NELL1: variants seen among roughly 807,000 people sequenced by gnomAD.
NELL1 encodes the protein protein kinase C-binding protein NELL1.
NELL1 carries 76 observed loss-of-function variants against 107.4 expected under a neutral mutation model. The observed-to-expected ratio is 0.71, with a 90% CI of 0.59 to 0.86. The LOEUF (loss-of-function observed/expected upper bound fraction) is 0.86, where lower values mean the gene tolerates loss of function less well. Among genes scored for constraint, NELL1 ranks in the 40% least tolerant of loss-of-function variants. The probability of loss-of-function intolerance (pLI) is 0.00; values close to 1 mark genes in which losing one functional copy is unlikely to be tolerated. For synonymous variants in NELL1, 353 were observed against 341.2 expected, an observed-to-expected ratio of 1.03 and a Z score of -0.38; for missense variants, 1,024 against 1,005.5, an observed-to-expected ratio of 1.02 and a Z score of -0.25.
chr11:21,348,310 C>A (rs1386430595), intron 14 of NELL1, among the ~76,000 whole-genome samples: 1 of 152,068 alleles, frequency 6.6e-6, no homozygotes. Context: ...AATTTGACAT[C>A]CTTTTAGTTA....
At chr11:21,488,264 G>A (rs1025140894) in intron 15 of NELL1, among the ~76,000 whole-genome samples, 4 of 151,958 alleles carry the variant, frequency 2.6e-5, no homozygotes, top group East Asian at 1.9e-4. Flanking sequence ...AGGATAGACC[G>A]TATGTTAGGC....
At chr11:20,907,335 A>G (rs946506714) in intron 5 of NELL1, among the ~76,000 whole-genome samples, 14 of 152,038 alleles carry the variant, frequency 9.2e-5, no homozygotes, top group African/African-American at 3.1e-4. Context: ...TATCTTATAA[A>G]AATTTAATGT....
chr11:20,692,410 C>G (rs1040810303), intron 2 of NELL1, among the ~76,000 whole-genome samples: 7 of 151,746 alleles, frequency 4.6e-5, no homozygotes, highest in Non-Finnish European at 1.0e-4. Context: ...CCTGCTTTCT[C>G]TTGTGGGCAT....
At chr11:21,554,322 T>A (rs540455745) in intron 16 of NELL1, among the ~76,000 whole-genome samples, 2 of 152,042 alleles carry the variant, frequency 1.3e-5, no homozygotes, top group Non-Finnish European at 2.9e-5. Context: ...AAGAAAATTA[T>A]GTTTTTCAAC....
At chr11:20,985,470 T>C (rs554052075) in intron 12 of NELL1, among the ~76,000 whole-genome samples, 1 of 152,298 alleles carries the variant, frequency 6.6e-6, no homozygotes, top group East Asian at 1.9e-4. Flanking sequence ...CTATGACTGC[T>C]GCTCTCAGCT....
chr11:20,691,438 A>G (rs1854463046), intron 2 of NELL1, among the ~76,000 whole-genome samples: 1 of 151,838 alleles, frequency 6.6e-6, no homozygotes. Flanking sequence ...GATAGCTCTT[A>G]TTATTTTGAG....
intron 15 of NELL1, among the ~76,000 whole-genome samples, chr11:21,484,624 A>G (rs1854580548): frequency 6.6e-6 from 1 of 151,978 alleles, no homozygotes; most frequent in Non-Finnish European, 1.5e-5. Context: ...ACATATCCAT[A>G]TATACATATA....
intron 16 of NELL1, among the ~76,000 whole-genome samples, chr11:21,555,527 A>G (rs1398088088): frequency 6.6e-6 from 1 of 151,896 alleles, no homozygotes; most frequent in Non-Finnish European, 1.5e-5. Context: ...CTTTGTCAAA[A>G]GAGAGTCTCC....
rs144504868 is a variant in NELL1 at position 21,165,627 on chromosome 11, T to C, written c.1426+51913T>C. Among the ~76,000 whole-genome samples, 411 of 149,504 alleles carry C rather than the reference T, an allele frequency of 2.7e-3. 8 individuals carry two copies. The highest frequency in any genetic ancestry group is 0.01 in the African/African-American group (398 of 38,928). On this transcript the variant is annotated intron_variant, in intron 13 of 19. Coordinates refer to ENST00000357134, the MANE Select transcript of NELL1 (RefSeq NM_006157.5). ...TTGAAGCGATATCTTCACTCTCATG[T>C]TTATTGCTACACTATTCACAATAGC... is the stretch of plus-strand genomic sequence containing the variant.
Position 20,911,740 on chromosome 11 carries a change from A to T in NELL1, c.604-6442A>T, listed in dbSNP as rs1850135963. Among the ~76,000 whole-genome samples the T allele has an allele frequency of 3.3e-5, 5 of 152,314 alleles. No homozygotes were observed. The South Asian group carries it at 1.0e-3, about 32-fold the overall frequency. ...CTTGCTTCCTAATAGGAGTGGCCTC[A>T]TGGAATGGCTCATTACAAAGATACT... On this transcript the variant is annotated intron_variant, in intron 5 of 19. Transcript: ENST00000357134.
intron 3 of NELL1, among the ~76,000 whole-genome samples, chr11:20,824,727 G>A (rs1857841520): frequency 6.6e-6 from 1 of 151,370 alleles, no homozygotes; most frequent in African/African-American, 2.4e-5. Context: ...CTGCCCTAGA[G>A]ATCTGTGAAA....
intron 12 of NELL1, among the ~76,000 whole-genome samples, chr11:21,010,155 T>C (rs911646891): frequency 2.0e-5 from 3 of 152,164 alleles, no homozygotes; most frequent in Middle Eastern, 3.4e-3. Flanking sequence ...TAATATGATA[T>C]GTGTTACATG....
In NELL1 at chr11:21,294,913, G is replaced by T. The variant is rs138908724; in HGVS notation, c.1549+65459G>T. On this transcript the variant is annotated intron_variant, in intron 14 of 19. Transcript: ENST00000357134. ...GTAAAGAAAGCTCAGTTTTGCAAAA[G>T]CTGAAGCCCAAGAAGGCAAAGTCAG... is the stretch of plus-strand genomic sequence containing the variant. 1.2e-3 allele frequency among the ~76,000 whole-genome samples: 178 copies of T among 152,118 alleles called. 1 individual carries two copies. The highest frequency in any genetic ancestry group is 2.1e-3 in the Admixed American group (32 of 15,254).
At chr11:21,069,503 G>T (rs1312543946) in intron 12 of NELL1, among the ~76,000 whole-genome samples, 1 of 152,140 alleles carries the variant, frequency 6.6e-6, no homozygotes, top group Non-Finnish European at 1.5e-5. Context: ...ACTCTGGAGG[G>T]AGGAGGAATG....
intron 4 of NELL1, among the ~76,000 whole-genome samples, chr11:20,857,315 A>T (rs558978116): frequency 6.6e-6 from 1 of 152,158 alleles, no homozygotes; most frequent in South Asian, 2.1e-4. Flanking sequence ...TAGCCCCCCG[A>T]GTGTTCTTTC....
At chr11:21,212,072 C>A (rs1857509720) in intron 13 of NELL1, among the ~76,000 whole-genome samples, 1 of 152,102 alleles carries the variant, frequency 6.6e-6, no homozygotes, top group Admixed American at 6.6e-5. Context: ...GTTATCCACC[C>A]ACCTTGGCCT....
At chr11:21,277,292 G>GA (rs1848887264) in intron 14 of NELL1, among the ~76,000 whole-genome samples, 1 of 152,018 alleles carries the variant, frequency 6.6e-6, no homozygotes, top group South Asian at 2.1e-4. Flanking sequence ...AAAGACACAT[G>GA]AAAAAATGCT....
intron 14 of NELL1, among the ~76,000 whole-genome samples, chr11:21,248,134 C>G (rs1340112184): frequency 6.6e-6 from 1 of 152,030 alleles, no homozygotes; most frequent in South Asian, 2.1e-4. Flanking sequence ...GGCTTGAGCT[C>G]AGGAGTTCAA....
intron 4 of NELL1, 61 bp from the exon 5 acceptor site, chr11:20,885,383 A>G (rs2134106992): frequency 9.6e-7 from 1 of 1,036,374 alleles, no homozygotes; most frequent in Non-Finnish European, 1.5e-6. Flanking sequence ...CAAACAGCAT[A>G]TGCACCTTTT....
Sources: allele counts gnomAD v4.1 joint callset (sites outside exome capture counted in the v4.1 genomes callset), GRCh38; gene constraint gnomAD v4.1.1; transcripts MANE v1.5; gene names NCBI Gene and HGNC (gene_info 2026-07-23, HGNC 2026-07-21).